The following USP24 variants were observed in gnomAD, a reference collection of about 807,000 sequenced individuals.
USP24 encodes ubiquitin specific peptidase 24, also known as ubiquitin carboxyl-terminal hydrolase 24.
A neutral mutation model predicts 361.6 loss-of-function variants in USP24; 97 were observed. That is an observed-to-expected ratio of 0.27 (90% CI 0.23 to 0.32). The LOEUF (loss-of-function observed/expected upper bound fraction) is 0.32, where lower values mean the gene tolerates loss of function less well. USP24 is among the 10% of genes least tolerant of loss of function. The pLI is 1.00. For missense variants in USP24, 2,353 were observed against 3,165.6 expected (o/e 0.74, Z 6.16); for synonymous variants, 1,098 against 1,124.6 (o/e 0.98, Z 0.47).
chr1:55,215,049 G>A lies in USP24; in HGVS notation c.65C>T (p.Thr22Ile), dbSNP rs199911535. The change falls in exon 1 of 68, where the codon ACC becomes ATC. Residue 22 changes from threonine to isoleucine, a missense_variant. By Grantham distance (89) the Thr-to-Ile change is moderately conservative (BLOSUM62 -1). Coordinates refer to ENST00000294383, the MANE Select transcript of USP24 (RefSeq NM_015306.3). ...LLCMGFSDPA[T>I]IRKALRLAKN... ...GGCCAGGCGCAGGGCCTTGCGGATG[G>A]TGGCGGGGTCTGAGAAGCCCATGCA... The A allele has an allele frequency of 1.2e-3, 1,723 of 1,467,646 alleles. 3 individuals carry two copies. The highest frequency in any genetic ancestry group is 1.3e-3 in the Non-Finnish European group (1,464 of 1,106,980). The allele number at this position is 1,467,646 out of a possible 1,614,324, so 90.9% of individuals were successfully genotyped here.
intron 63 of USP24, among the ~76,000 whole-genome samples, 200 bp from the exon 64 acceptor site, chr1:55,074,106 TTA>T (rs1491314022): frequency 1.9e-4 from 9 of 47,170 alleles, no homozygotes; most frequent in Non-Finnish European, 2.9e-4. Flanking sequence ...TTAAGTATGT[TTA>T]AAAAAAAAAA....
chr1:55,092,706 T>G, intron 53 of USP24, 115 bp downstream of exon 53: 1 of 749,452 alleles, frequency 1.3e-6, no homozygotes, highest in Non-Finnish European at 2.1e-6. Context: ...AAAACCTTTT[T>G]GCATCTAACC....
At position 55,150,022 on chromosome 1, in the gene USP24, G is replaced by A. The variant is rs528760743; in HGVS notation, c.1861-1452C>T. Among the ~76,000 whole-genome samples, 3 of 152,280 alleles carry A rather than the reference G, an allele frequency of 2.0e-5. No homozygotes were observed. In the South Asian group the frequency reaches 6.2e-4, roughly 32 times the overall value. On this transcript the variant is annotated intron_variant, in intron 16 of 67. Transcript: ENST00000294383. ...ACCCTGTGAAGGGCTGTACCACTCA[G>A]CACTAAATGTCTCTCTGTCCTAAGC... is the stretch of plus-strand genomic sequence containing the variant.
rs755681601 is a variant in USP24, at chr1:55,134,127, T to C, written c.3324A>G (p.Ile1108Met). The change falls in exon 30 of 68, where the codon ATA (isoleucine) becomes ATG (methionine). Residue 1108 changes from isoleucine (I) to methionine (M), a missense_variant. Ile to Met is a conservative substitution (Grantham distance 10, BLOSUM62 1). Coordinates refer to ENST00000294383, the MANE Select transcript of USP24 (RefSeq NM_015306.3). Reference sequence around the variant, plus strand: ...CTTCCTGAATGGCTGGATCAGTGGGTATCAAGAGCAGAAGCTTCCGTACTC... The same window carrying C: ...CTTCCTGAATGGCTGGATCAGTGGGCATCAAGAGCAGAAGCTTCCGTACTC... ...TLRVRKLLLL[I>M]PTDPAIQEAL... 4 of 1,613,784 alleles carry C rather than the reference T, an allele frequency of 2.5e-6. No individual in the cohort carries two copies. The Admixed American group carries it at 5.0e-5, about 20-fold the overall frequency.
At chr1:55,184,970 T>A (rs1035264286) in intron 1 of USP24, among the ~76,000 whole-genome samples, 2 of 152,028 alleles carry the variant, frequency 1.3e-5, no homozygotes, top group African/African-American at 4.8e-5. Context: ...TTTTTATTTT[T>A]TTTTTGACAT....
In USP24 at chr1:55,139,150, C is replaced by G; in HGVS notation, c.2751-140G>C. Reference sequence around the variant, plus strand: ...TGAAATTTGCAAAGATTAAACTTCCCTTTTACCCAATGGGGAGGTGGTTCT... The same window carrying G: ...TGAAATTTGCAAAGATTAAACTTCCGTTTTACCCAATGGGGAGGTGGTTCT... On this transcript the variant is annotated intron_variant, in intron 24 of 67. Coordinates refer to ENST00000294383, the MANE Select transcript of USP24 (RefSeq NM_015306.3). The G allele has an allele frequency of 5.5e-6, 4 of 724,180 alleles. No homozygotes were observed. In the South Asian group the frequency reaches 8.5e-5, roughly 15 times the overall value. 44.9% of individuals were successfully genotyped at this position (724,180 alleles called of 1,614,324 possible).
chr1:55,070,242 C>T (rs946074987), intron 67 of USP24, among the ~76,000 whole-genome samples: 2 of 151,964 alleles, frequency 1.3e-5, no homozygotes, highest in Non-Finnish European at 1.5e-5. Flanking sequence ...AAGTGGAGAA[C>T]GTCAAGAACA....
At chr1:55,137,185 C>T (rs1192408817) in intron 28 of USP24, among the ~76,000 whole-genome samples, 1 of 152,172 alleles carries the variant, frequency 6.6e-6, no homozygotes, top group African/African-American at 2.4e-5. Context: ...AATGAAATGT[C>T]AAGAAGATGA....
chr1:55,164,669 C>T (rs1648641212), intron 7 of USP24, among the ~76,000 whole-genome samples: 2 of 151,924 alleles, frequency 1.3e-5, no homozygotes, highest in African/African-American at 4.8e-5. Context: ...AATGGTCTGA[C>T]CTTATGGAAA....
At chr1:55,151,826 CA>C in intron 16 of USP24, 1 of 913,470 alleles carries the variant, frequency 1.1e-6, no homozygotes, top group Non-Finnish European at 1.3e-6. Context: ...TTAAGAGTAT[CA>C]AAAGCAGAGG....
chr1:55,086,720 C>T (rs1645259337), intron 55 of USP24, among the ~76,000 whole-genome samples: 1 of 152,130 alleles, frequency 6.6e-6, no homozygotes, highest in Non-Finnish European at 1.5e-5. Flanking sequence ...CAGATACACG[C>T]TGAAAATTTA....
intron 56 of USP24, among the ~76,000 whole-genome samples, chr1:55,085,645 C>T (rs1645234652): frequency 6.6e-6 from 1 of 152,132 alleles, no homozygotes; most frequent in Non-Finnish European, 1.5e-5. Flanking sequence ...AGTCTCAGTT[C>T]AGAGAGATCT....
In USP24 at chr1:55,113,951, G is replaced by C. The variant is rs577101916; in HGVS notation, c.4509-3705C>G. The stretch of plus-strand genomic sequence containing the variant: ...GAAAGAAATAAAGGGTATTCAGATA[G>C]GAAGACAGGAAGTCAAACTGTCTCT... On this transcript the variant is annotated intron_variant, in intron 38 of 67. Transcript: ENST00000294383. 5.9e-5 allele frequency among the ~76,000 whole-genome samples: 9 copies of C among 152,284 alleles called. No individual in the cohort carries two copies. The East Asian group carries it at 1.7e-3, about 29-fold the overall frequency.
intron 56 of USP24, among the ~76,000 whole-genome samples, chr1:55,084,609 C>CA: frequency 6.6e-6 from 1 of 152,288 alleles, no homozygotes; most frequent in Non-Finnish European, 1.5e-5. Context: ...GCAATATTCC[C>CA]ATCCATCCTG....
intron 31 of USP24, among the ~76,000 whole-genome samples, chr1:55,132,335 C>CAT (rs1646617327): frequency 6.6e-6 from 1 of 152,212 alleles, no homozygotes; most frequent in Admixed American, 6.5e-5. Context: ...TTTGTTATAG[C>CAT]AGCCCAAATG....
chr1:55,117,742 C>CA (rs58149121), intron 38 of USP24, among the ~76,000 whole-genome samples: 51,780 of 67,038 alleles, frequency 0.77, 21,089 homozygotes, highest in East Asian at 0.9. Context: ...GACTCCGTCT[C>CA]AAAAAAAAAA....
intron 28 of USP24, among the ~76,000 whole-genome samples, chr1:55,134,931 A>G (rs548828637): frequency 2.0e-4 from 31 of 152,354 alleles, no homozygotes; most frequent in South Asian, 4.1e-4. Context: ...AGATTCAGAT[A>G]TGACTAAAGC....
chr1:55,151,616 TG>T (rs930839377), intron 16 of USP24, among the ~76,000 whole-genome samples: 35 of 152,138 alleles, frequency 2.3e-4, no homozygotes, highest in Non-Finnish European at 3.7e-4. Context: ...TAATTTTTTT[TG>T]GATGAGTACA....
chr1:55,166,986 C>T (rs1019723810), intron 5 of USP24, among the ~76,000 whole-genome samples: 37 of 151,956 alleles, frequency 2.4e-4, no homozygotes, highest in African/African-American at 8.5e-4. Context: ...AGTTTTAGTC[C>T]CAGTTAGATC....
Sources: gnomAD v4.1 joint callset for allele counts (sites outside exome capture counted in the v4.1 genomes callset) on GRCh38, gnomAD v4.1.1 for gene constraint, MANE v1.5 for transcripts, NCBI Gene and HGNC (gene_info 2026-07-23, HGNC 2026-07-21) for gene names.